FGGY: variants seen among roughly 807,000 people sequenced by gnomAD.
FGGY encodes the protein FGGY carbohydrate kinase domain-containing protein.
FGGY carries 72 observed loss-of-function variants against 71.3 expected under a neutral mutation model. That is an observed-to-expected ratio of 1.01 (90% CI 0.84 to 1.23). The LOEUF (loss-of-function observed/expected upper bound fraction) is 1.23, where lower values mean the gene tolerates loss of function less well. FGGY is among the 50% of genes most tolerant of loss of function. FGGY has a pLI of 0.00. For missense variants in FGGY, 668 were observed against 682.3 expected (o/e 0.98, Z 0.23); for synonymous variants, 251 against 250.3 (o/e 1.00, Z -0.02).
At chr1:59,593,932 G>A (rs2096488296) in intron 8 of FGGY, among the ~76,000 whole-genome samples, 1 of 152,176 alleles carries the variant, frequency 6.6e-6, no homozygotes, top group African/African-American at 2.4e-5. Flanking sequence ...CCCATATTAG[G>A]CAGCTACTCT....
At chr1:59,407,412 A>G (rs2153419605) in intron 5 of FGGY, among the ~76,000 whole-genome samples, 1 of 152,280 alleles carries the variant, frequency 6.6e-6, no homozygotes, top group Middle Eastern at 3.4e-3. Flanking sequence ...CTGCACACTG[A>G]GTGTGTGATG....
At chr1:59,653,660 C>A (rs1027643418) in intron 11 of FGGY, among the ~76,000 whole-genome samples, 2 of 152,184 alleles carry the variant, frequency 1.3e-5, no homozygotes, top group African/African-American at 4.8e-5. Flanking sequence ...TCTGGGACTC[C>A]CTAGTGAGAT....
At chr1:59,735,892 A>G (rs2098097584) in intron 14 of FGGY, among the ~76,000 whole-genome samples, 1 of 152,156 alleles carries the variant, frequency 6.6e-6, no homozygotes, top group Non-Finnish European at 1.5e-5. Flanking sequence ...GGAGCTGGGA[A>G]AAGGGAAAAC....
At chr1:59,521,478 C>T (rs554975470) in intron 7 of FGGY, among the ~76,000 whole-genome samples, 1 of 152,238 alleles carries the variant, frequency 6.6e-6, no homozygotes, top group Admixed American at 6.5e-5. Context: ...CCATGTGTCC[C>T]CAGTTTTTAA....
At chr1:59,332,067 G>A (rs1406110226) in intron 2 of FGGY, 1 of 152,056 alleles carries the variant, frequency 6.6e-6, no homozygotes, top group Non-Finnish European at 1.5e-5. Flanking sequence ...CAGTTTGGAG[G>A]GTTTCTAAGA....
At chr1:59,404,544 G>A (rs566472583) in intron 5 of FGGY, among the ~76,000 whole-genome samples, 6 of 152,242 alleles carry the variant, frequency 3.9e-5, no homozygotes, top group East Asian at 1.9e-4. Flanking sequence ...GTTGTTGAGC[G>A]TAGAACAGCC....
intron 7 of FGGY, among the ~76,000 whole-genome samples, chr1:59,518,735 A>G (rs2094733628): frequency 6.6e-6 from 1 of 152,172 alleles, no homozygotes; most frequent in African/African-American, 2.4e-5. Flanking sequence ...ACCTTTTGCC[A>G]TGATCGTAAG....
chr1:59,499,316 G>C (rs376254676), intron 6 of FGGY, among the ~76,000 whole-genome samples: 1 of 32,550 alleles, frequency 3.1e-5, no homozygotes. Context: ...TTTTTTTTTT[G>C]ATCTGGTAAC....
intron 4 of FGGY, among the ~76,000 whole-genome samples, chr1:59,365,990 A>G (rs914347411): frequency 2.6e-5 from 4 of 152,210 alleles, no homozygotes; most frequent in Admixed American, 6.5e-5. Flanking sequence ...GCCAGACTCC[A>G]GAGTTCTTAG....
At chr1:59,540,076 A>C (rs949499493) in intron 7 of FGGY, among the ~76,000 whole-genome samples, 1 of 152,178 alleles carries the variant, frequency 6.6e-6, no homozygotes, top group Non-Finnish European at 1.5e-5. Context: ...ATATCACTAC[A>C]CACCCTGCAG....
chr1:59,353,947 G>C (rs1292217909), intron 4 of FGGY, among the ~76,000 whole-genome samples: 2 of 152,090 alleles, frequency 1.3e-5, no homozygotes, highest in Non-Finnish European at 2.9e-5. Context: ...AGTAAGAGCA[G>C]AACAAGAAAA....
intron 8 of FGGY, among the ~76,000 whole-genome samples, chr1:59,570,537 A>G (rs2095967151): frequency 1.3e-5 from 2 of 152,284 alleles, no homozygotes; most frequent in South Asian, 4.1e-4. Flanking sequence ...TACCTGGTAG[A>G]ATCTGCCAAC....
chr1:59,373,755 T>C lies in FGGY; in HGVS notation c.466-4994T>C, dbSNP rs562342650. Among the ~76,000 whole-genome samples the C allele has an allele frequency of 7.9e-5, 12 of 152,134 alleles. 1 individual carries two copies. The East Asian group carries it at 2.3e-3, about 29-fold the overall frequency. ...CAGAGCCCTCAGAAATAACGCCGCA[T>C]ATCTACAACTATCTGATCTTTGACA... On this transcript the variant is annotated intron_variant, in intron 4 of 15. Coordinates refer to ENST00000303721, the MANE Select transcript of FGGY (RefSeq NM_018291.5).
In FGGY at chr1:59,680,488, G is replaced by GAA. The variant is rs536358649; in HGVS notation, c.1512+6368_1512+6369dup. Among the ~76,000 whole-genome samples the GAA allele has an allele frequency of 9.8e-3, 767 of 77,920 alleles. 6 individuals carry two copies. The highest frequency in any genetic ancestry group is 0.032 in the African/African-American group (705 of 21,714). 51.1% of individuals were successfully genotyped at this position (77,920 alleles called of 152,430 possible). On this transcript the variant is annotated intron_variant, in intron 14 of 15. Coordinates refer to ENST00000303721, the MANE Select transcript of FGGY (RefSeq NM_018291.5). ...TTTAAGAGTTTTTTCGACCCCTCCAGAAAAAAAAAAAAAATAGAATAAAAC... is the reference window on the plus strand; with the variant it reads ...TTTAAGAGTTTTTTCGACCCCTCCAGAAAAAAAAAAAAAAAATAGAATAAAAC...
chr1:59,524,229 T>A (rs921497176), intron 7 of FGGY, among the ~76,000 whole-genome samples: 5 of 152,244 alleles, frequency 3.3e-5, no homozygotes, highest in African/African-American at 1.2e-4. Context: ...GCTAGCCTCC[T>A]GCCACCTTGG....
chr1:59,683,577 T>C (rs555738884), intron 14 of FGGY, among the ~76,000 whole-genome samples: 2 of 152,302 alleles, frequency 1.3e-5, no homozygotes, highest in Non-Finnish European at 2.9e-5. Flanking sequence ...ATGAATTCAG[T>C]TTGTTTCTAA....
At chr1:59,733,593 T>C (rs747968581) in intron 14 of FGGY, among the ~76,000 whole-genome samples, 2 of 152,222 alleles carry the variant, frequency 1.3e-5, no homozygotes, top group African/African-American at 4.8e-5. Context: ...CATGACTGGC[T>C]GATGTAAGCT....
intron 7 of FGGY, among the ~76,000 whole-genome samples, chr1:59,538,195 A>G (rs1341800940): frequency 6.6e-6 from 1 of 152,232 alleles, no homozygotes; most frequent in East Asian, 1.9e-4. Flanking sequence ...ACATAAACAG[A>G]CACTTCTCAA....
chr1:59,625,517 C>T (rs558308488), intron 9 of FGGY, among the ~76,000 whole-genome samples: 10 of 152,180 alleles, frequency 6.6e-5, no homozygotes, highest in African/African-American at 2.4e-4. Context: ...CAAAAACCCT[C>T]ATCATAGTCT....
Sources: gnomAD v4.1 joint callset for allele counts (sites outside exome capture counted in the v4.1 genomes callset) on GRCh38, gnomAD v4.1.1 for gene constraint, MANE v1.5 for transcripts, NCBI Gene and HGNC (gene_info 2026-07-23, HGNC 2026-07-21) for gene names.